The following GRM4 variants were observed in gnomAD, a reference collection of about 807,000 sequenced individuals.
GRM4 encodes glutamate metabotropic receptor 4, also known as metabotropic glutamate receptor 4.
In GRM4, 28 loss-of-function variants were observed where a neutral mutation model predicts 81.7. The observed-to-expected ratio is 0.34, with a 90% CI of 0.25 to 0.47. The LOEUF (loss-of-function observed/expected upper bound fraction) is 0.47, where lower values mean the gene tolerates loss of function less well. Ranked by LOEUF, GRM4 falls within the 20% of genes least tolerant of loss-of-function variation. The pLI is 1.00. For synonymous variants in GRM4, 488 were observed against 528.8 expected (o/e 0.92, Z 1.06); for missense variants, 948 against 1,290.0 (o/e 0.73, Z 4.06).
In GRM4 at chr6:34,068,258, C is replaced by G. The variant is rs1191181768; in HGVS notation, c.737-6230G>C. On this transcript the variant is annotated intron_variant, in intron 3 of 10. Transcript: ENST00000538487. This position sits in a 1 kb window ranked among gnomAD's most constrained non-coding sequence, Gnocchi z 4.2. The stretch of plus-strand genomic sequence containing the variant: ...GAGAGGCAGAGGCTGGATCTGAACT[C>G]GGGTCTGACTATTCTCTAGGAGCTG... 6.6e-6 allele frequency among the ~76,000 whole-genome samples: 1 copy of G among 152,148 alleles called. No individual in the cohort carries two copies. Among genetic ancestry groups the G allele is most frequent in the Middle Eastern group, 3.2e-3 (1 of 316 alleles).
intron 2 of GRM4, among the ~76,000 whole-genome samples, chr6:34,119,143 C>T (rs145569478): frequency 0.032 from 4,871 of 152,316 alleles, 186 homozygotes; most frequent in African/African-American, 0.096. Context: ...CGCCTGTAAT[C>T]CCAGCACTTT....
At chr6:34,056,368 C>A in intron 6 of GRM4, 176 bp downstream of exon 6, 1 of 602,022 alleles carries the variant, frequency 1.7e-6, no homozygotes, top group Non-Finnish European at 2.9e-6. Flanking sequence ...GTGGCCCCGC[C>A]CCTCAAGGCC....
intron 2 of GRM4, among the ~76,000 whole-genome samples, chr6:34,119,372 G>A (rs990661299): frequency 2.0e-5 from 3 of 150,818 alleles, no homozygotes; most frequent in African/African-American, 7.4e-5. Flanking sequence ...CTCCAGCCTG[G>A]GCGACAGAGA....
At chr6:34,044,662 A>G (rs1196922178) in intron 6 of GRM4, among the ~76,000 whole-genome samples, 3 of 140,460 alleles carry the variant, frequency 2.1e-5, no homozygotes, top group Non-Finnish European at 4.5e-5. Context: ...ACATACACAT[A>G]TATACACAGA....
chr6:34,117,502 A>G (rs963845861), intron 2 of GRM4, among the ~76,000 whole-genome samples: 4 of 152,124 alleles, frequency 2.6e-5, no homozygotes, highest in African/African-American at 9.7e-5. Context: ...CTGCCCACCC[A>G]CTACCTCAGC....
At chr6:34,081,603 G>A (rs971487129) in intron 3 of GRM4, among the ~76,000 whole-genome samples, 5 of 152,230 alleles carry the variant, frequency 3.3e-5, no homozygotes, top group Admixed American at 1.3e-4. Context: ...GAGGCTCAGG[G>A]AGAAGTGAAT....
exon 1 of GRM4, chr6:34,155,212 G>C (rs992575985): frequency 2.0e-6 from 3 of 1,535,532 alleles, no homozygotes; most frequent in Non-Finnish European, 2.6e-6. Context: ...GGGGCCTCTT[G>C]TGCGCACCCA....
chr6:34,054,577 G>C (rs954748902), intron 6 of GRM4: 3 of 152,224 alleles, frequency 2.0e-5, no homozygotes, highest in African/African-American at 7.2e-5. Context: ...CTGCCCCAAG[G>C]ACTAGGAGTC....
At chr6:34,154,714 G>T (rs1017919293) in intron 1 of GRM4, among the ~76,000 whole-genome samples, 4 of 152,200 alleles carry the variant, frequency 2.6e-5, no homozygotes, top group African/African-American at 9.7e-5. Context: ...GGGGGAGTCG[G>T]CACCCCGGCC....
At chr6:34,127,631 AG>A (rs1770071427) in intron 2 of GRM4, among the ~76,000 whole-genome samples, 1 of 152,172 alleles carries the variant, frequency 6.6e-6, no homozygotes, top group Non-Finnish European at 1.5e-5. Flanking sequence ...ATTTGGAGGC[AG>A]GGAGAGGAAA....
rs1250051413 is a variant in GRM4, at chr6:34,034,772, G to C, written c.2442+896C>G. On this transcript the variant is annotated intron_variant, in intron 9 of 10. Coordinates refer to ENST00000538487, the MANE Select transcript of GRM4 (RefSeq NM_000841.4). The surrounding 1 kb of genome is among the most constrained non-coding windows in gnomAD (Gnocchi z 4.0). ...CCAGGGAGGCCAACTGGCTTGCCCA[G>C]ATCCCACACTTATACATGGCACTCA... is the stretch of plus-strand genomic sequence containing the variant. Among the ~76,000 whole-genome samples, 2 of 152,248 alleles carry C rather than the reference G, an allele frequency of 1.3e-5. No homozygotes were observed. Among genetic ancestry groups the C allele is most frequent in the African/African-American group, 4.8e-5 (2 of 41,464 alleles).
chr6:34,048,133 G>A lies in GRM4; in HGVS notation c.1169-7385C>T, dbSNP rs1289156289. ...CCTCACGGCACTCCTGTGTCCCTGC[G>A]AATCTGGCCTCAAGAATGTGTCCTC... On this transcript the variant is annotated intron_variant, in intron 6 of 10. Transcript: ENST00000538487. The surrounding 1 kb of genome is among the most constrained non-coding windows in gnomAD (Gnocchi z 4.0). Among the ~76,000 whole-genome samples the A allele has an allele frequency of 6.6e-6, 1 of 152,096 alleles. No individual in the cohort carries two copies. Among genetic ancestry groups the A allele is most frequent in the East Asian group, 1.9e-4 (1 of 5,188 alleles).
chr6:34,101,455 C>T (rs1581697451), intron 2 of GRM4, among the ~76,000 whole-genome samples: 1 of 152,180 alleles, frequency 6.6e-6, no homozygotes, highest in Non-Finnish European at 1.5e-5. Flanking sequence ...CCTGCGTACA[C>T]GGTGGGCCTA....
intron 6 of GRM4, among the ~76,000 whole-genome samples, chr6:34,046,996 A>G (rs1038996382): frequency 3.3e-5 from 5 of 151,984 alleles, no homozygotes; most frequent in Admixed American, 2.6e-4. Context: ...ACAAACACAC[A>G]TGGCTCTGAC....
At chr6:34,056,021 A>G (rs966909337) in intron 6 of GRM4, 4 of 152,584 alleles carry the variant, frequency 2.6e-5, no homozygotes, top group African/African-American at 9.6e-5. Flanking sequence ...GACATATTCT[A>G]TCATTCACTC....
intron 6 of GRM4, among the ~76,000 whole-genome samples, chr6:34,044,749 T>TATACACAGAC (rs1765261780): frequency 1.1e-5 from 1 of 89,986 alleles, no homozygotes; most frequent in Non-Finnish European, 2.2e-5. Flanking sequence ...CATACACATA[T>TATACACAGAC]ATACACATAC....
chr6:34,143,299 C>T (rs1415795597), intron 1 of GRM4, among the ~76,000 whole-genome samples: 2 of 152,252 alleles, frequency 1.3e-5, no homozygotes, highest in East Asian at 1.9e-4. Flanking sequence ...CAAAGCCCCC[C>T]GCCCACCGCA....
chr6:34,083,077 T>C (rs1313442970), intron 3 of GRM4, among the ~76,000 whole-genome samples: 2 of 152,182 alleles, frequency 1.3e-5, no homozygotes, highest in African/African-American at 2.4e-5. Context: ...AGGGAAGAGA[T>C]GCAAATTCAG....
chr6:34,079,171 G>A (rs13193244), intron 3 of GRM4, among the ~76,000 whole-genome samples: 1,612 of 152,292 alleles, frequency 0.011, 16 homozygotes, highest in Middle Eastern at 0.024. Flanking sequence ...CCAGCAGGCC[G>A]GGGAAAGCGC....
Sources: gnomAD v4.1 joint callset for allele counts (sites outside exome capture counted in the v4.1 genomes callset) on GRCh38, gnomAD v4.1.1 for gene constraint, Gnocchi (gnomAD v3.1) non-coding constraint, MANE v1.5 for transcripts, NCBI Gene and HGNC (gene_info 2026-07-23, HGNC 2026-07-21) for gene names.